Variants in TCF7L2 observed in about 807,000 individuals in gnomAD.
The protein encoded by TCF7L2 is transcription factor 7 like 2.
A neutral mutation model predicts 77.9 loss-of-function variants in TCF7L2; 23 were observed. The observed-to-expected ratio is 0.30, with a 90% CI of 0.21 to 0.42. The LOEUF (loss-of-function observed/expected upper bound fraction) is 0.42. Among genes scored for constraint, TCF7L2 ranks in the 10% least tolerant of loss-of-function variants. TCF7L2 has a pLI of 1.00. For synonymous variants in TCF7L2, 413 were observed against 340.2 expected, an observed-to-expected ratio of 1.21 and a Z score of -2.36; for missense variants, 654 against 793.1, an observed-to-expected ratio of 0.82 and a Z score of 2.11.
intron 4 of TCF7L2, among the ~76,000 whole-genome samples, chr10:112,968,081 C>A (rs752448880): frequency 2.6e-5 from 4 of 152,166 alleles, no homozygotes; most frequent in Non-Finnish European, 4.4e-5. Flanking sequence ...CATATGTGAA[C>A]GTCCATGAAA....
At chr10:112,959,178 T>C (rs1374748497) in intron 3 of TCF7L2, among the ~76,000 whole-genome samples, 1 of 152,002 alleles carries the variant, frequency 6.6e-6, no homozygotes, top group Non-Finnish European at 1.5e-5. Context: ...AACTTTTTTT[T>C]TTTGCGAGAC....
Position 113,165,746 on chromosome 10 carries a change from A to G in TCF7L2, c.1583A>G (p.His528Arg), listed in dbSNP as rs1207216340. 1.9e-6 allele frequency: 3 copies of G among 1,593,192 alleles called. No individual in the cohort carries two copies. The highest frequency in any genetic ancestry group is 2.6e-6 in the Non-Finnish European group (3 of 1,173,902). ...TCCCTGAAGCCCGACCCCCTGGCCC[A>G]CCTGTCCATGATGCCTCCGCCACCC... The change falls in exon 14 of 14, where the codon CAC (histidine) becomes CGC (arginine). Residue 528 changes from histidine (H) to arginine (R), a missense_variant. By Grantham distance (29) the His-to-Arg change is conservative. Coordinates refer to ENST00000627217, the MANE Select transcript of TCF7L2 (RefSeq NM_001146274.2).
At chr10:113,061,654 C>T (rs925498606) in intron 5 of TCF7L2, among the ~76,000 whole-genome samples, 5 of 152,162 alleles carry the variant, frequency 3.3e-5, no homozygotes, top group African/African-American at 7.2e-5. Flanking sequence ...TTTGCTCTTC[C>T]GTGGAGATGA....
Position 113,141,182 on chromosome 10 carries a change from A to G in TCF7L2, c.553-2A>G, listed in dbSNP as rs2136838511. On this transcript the variant is annotated splice_acceptor_variant, in intron 5 of 13. Transcript: ENST00000627217. LOFTEE classifies it high-confidence loss of function. ...TGTCTTTCTCTGTTCTCCTCCCCAC[A>G]GTCTAACAAAGTGCCAGTGGTGCAG... 1 of 1,613,968 alleles carries G rather than the reference A, an allele frequency of 6.2e-7. No homozygotes were observed. The highest frequency in any genetic ancestry group is 8.5e-7 in the Non-Finnish European group (1 of 1,179,942).
intron 5 of TCF7L2, among the ~76,000 whole-genome samples, chr10:113,108,719 T>G (rs2062738386): frequency 6.6e-6 from 1 of 152,210 alleles, no homozygotes; most frequent in African/African-American, 2.4e-5. Flanking sequence ...GCGCTCCATT[T>G]CTTCCCAGGA....
intron 5 of TCF7L2, among the ~76,000 whole-genome samples, chr10:113,042,009 C>G (rs981906440): frequency 1.3e-5 from 2 of 152,180 alleles, no homozygotes; most frequent in East Asian, 3.8e-4. Context: ...GTGGCATAGG[C>G]TCTGTGGGCC....
chr10:112,991,694 G>A (rs139859096), intron 4 of TCF7L2, among the ~76,000 whole-genome samples: 99 of 152,250 alleles, frequency 6.5e-4, no homozygotes, highest in African/African-American at 1.9e-3. Flanking sequence ...CAGAGACAGC[G>A]CAGGCTGCTG....
rs528666809 is a variant in TCF7L2 at position 113,052,564 on chromosome 10, A to G, written c.552+12438A>G. On this transcript the variant is annotated intron_variant, in intron 5 of 13. Coordinates refer to ENST00000627217, the MANE Select transcript of TCF7L2 (RefSeq NM_001146274.2). The stretch of plus-strand genomic sequence containing the variant: ...AAAGGAACATTTTTCATCCGAACCC[A>G]GAATGAGGATGTACCCAAGGAAAAG... 8.1e-4 allele frequency among the ~76,000 whole-genome samples: 123 copies of G among 152,374 alleles called. 2 individuals are homozygous for G. The South Asian group carries it at 0.025, about 31-fold the overall frequency.
chr10:113,111,053 T>C (rs564033008), intron 5 of TCF7L2, among the ~76,000 whole-genome samples: 4 of 140,626 alleles, frequency 2.8e-5, no homozygotes, highest in Non-Finnish European at 4.7e-5. Context: ...TTTTTTTTTT[T>C]CTAAGTGGTG....
At chr10:113,053,941 C>G (rs970345806) in intron 5 of TCF7L2, among the ~76,000 whole-genome samples, 1 of 152,196 alleles carries the variant, frequency 6.6e-6, no homozygotes, top group African/African-American at 2.4e-5. Context: ...AGTCTCACAT[C>G]GGAGCCAGGA....
In TCF7L2 at chr10:113,143,232, G is replaced by A. The variant is rs115751909; in HGVS notation, c.686-691G>A. Among the ~76,000 whole-genome samples, 38 of 152,340 alleles carry A rather than the reference G, an allele frequency of 2.5e-4. 1 individual carries two copies. The highest frequency in any genetic ancestry group is 8.9e-4 in the African/African-American group (37 of 41,578). Reference sequence around the variant, plus strand: ...AGCTCTTAGCCCCTGCGACGCACGCGGTGCCCATTCAGCAGGTGGGCTTAA... The same window carrying A: ...AGCTCTTAGCCCCTGCGACGCACGCAGTGCCCATTCAGCAGGTGGGCTTAA... On this transcript the variant is annotated intron_variant, in intron 6 of 13. Transcript: ENST00000627217.
chr10:113,144,435 C>T (rs990445666), intron 7 of TCF7L2, among the ~76,000 whole-genome samples: 2 of 151,986 alleles, frequency 1.3e-5, no homozygotes, highest in African/African-American at 4.8e-5. Flanking sequence ...GCTGTCGAGT[C>T]CTCCATTTTA....
chr10:113,010,053 C>T (rs1242422186), intron 4 of TCF7L2, among the ~76,000 whole-genome samples: 1 of 151,818 alleles, frequency 6.6e-6, no homozygotes, highest in Non-Finnish European at 1.5e-5. Context: ...GGCTGGAACA[C>T]ACCTTTGGGG....
chr10:113,153,045 C>CCCTTT (rs1185066344), intron 11 of TCF7L2, among the ~76,000 whole-genome samples: 2 of 152,212 alleles, frequency 1.3e-5, no homozygotes, highest in Non-Finnish European at 2.9e-5. Flanking sequence ...CCGACTCTGG[C>CCCTTT]CCCAGCAAGG....
At position 113,052,444 on chromosome 10, in the gene TCF7L2, A is replaced by G. The variant is rs141430193; in HGVS notation, c.552+12318A>G. On this transcript the variant is annotated intron_variant, in intron 5 of 13. Coordinates refer to ENST00000627217, the MANE Select transcript of TCF7L2 (RefSeq NM_001146274.2). The stretch of plus-strand genomic sequence containing the variant: ...AGAAATTGAGCCCCCTACTGGATCT[A>G]TCGGAGCCCTGTCAAATGTCCATTT... Among the ~76,000 whole-genome samples the G allele has an allele frequency of 2.9e-3, 438 of 152,354 alleles. 7 individuals are homozygous for G. The highest frequency in any genetic ancestry group is 8.9e-3 in the Admixed American group (136 of 15,302).
chr10:112,961,704 G>A (rs61875103), intron 3 of TCF7L2, among the ~76,000 whole-genome samples: 15,072 of 152,086 alleles, frequency 0.099, 952 homozygotes, highest in African/African-American at 0.19. Context: ...TCTCTCCAGC[G>A]CAATGGTTGC....
At chr10:113,121,958 C>T (rs553848947) in intron 5 of TCF7L2, among the ~76,000 whole-genome samples, 30 of 152,156 alleles carry the variant, frequency 2.0e-4, no homozygotes, top group Non-Finnish European at 3.7e-4. Flanking sequence ...TACACGGATT[C>T]GGAACAACAG....
At chr10:113,076,085 G>A (rs1022704306) in intron 5 of TCF7L2, among the ~76,000 whole-genome samples, 11 of 127,196 alleles carry the variant, frequency 8.6e-5, no homozygotes, top group East Asian at 7.0e-4. Context: ...GTAGTGAGCC[G>A]AAATCACGCC....
At chr10:113,113,713 A>G (rs1263066234) in intron 5 of TCF7L2, among the ~76,000 whole-genome samples, 2 of 152,302 alleles carry the variant, frequency 1.3e-5, no homozygotes, top group East Asian at 3.9e-4. Flanking sequence ...GCTCCTCACC[A>G]TCTAATTTGT....
Sources: allele counts gnomAD v4.1 joint callset (sites outside exome capture counted in the v4.1 genomes callset), GRCh38; gene constraint gnomAD v4.1.1; transcripts MANE v1.5; gene names NCBI Gene and HGNC (gene_info 2026-07-23, HGNC 2026-07-21).